KLF12: variants seen among roughly 807,000 people sequenced by gnomAD.
KLF12 encodes the protein KLF transcription factor 12.
In KLF12, 9 loss-of-function variants were observed where a neutral mutation model predicts 37.8. The observed-to-expected ratio is 0.24, with a 90% CI of 0.14 to 0.42. KLF12 has a LOEUF of 0.42. KLF12 is among the 10% of genes least tolerant of loss of function. KLF12 has a pLI of 1.00. For missense variants in KLF12, 411 were observed against 516.0 expected (o/e 0.80, Z 1.97); for synonymous variants, 208 against 202.1 (o/e 1.03, Z -0.25).
chr13:73,733,676 C>T (rs1296410535), intron 6 of KLF12, among the ~76,000 whole-genome samples: 1 of 151,940 alleles, frequency 6.6e-6, no homozygotes, highest in Non-Finnish European at 1.5e-5. Context: ...TTTTTTATAC[C>T]CAGAAATGGA....
At chr13:74,104,435 C>T (rs1316042290) in intron 1 of KLF12, among the ~76,000 whole-genome samples, 4 of 152,180 alleles carry the variant, frequency 2.6e-5, no homozygotes, top group African/African-American at 9.7e-5. Context: ...CTTCAAAACA[C>T]AGAGTTTCAG....
the KLF12 span, among the ~76,000 whole-genome samples, chr13:74,236,061 C>G: frequency 6.7e-6 from 1 of 149,198 alleles, no homozygotes; most frequent in African/African-American, 2.5e-5. Context: ...CGTCATCTAG[C>G]ATTAGGTATA....
chr13:74,191,650 C>A, the KLF12 span, among the ~76,000 whole-genome samples: 1 of 152,112 alleles, frequency 6.6e-6, no homozygotes, highest in Non-Finnish European at 1.5e-5. Context: ...CTGCACAGCT[C>A]TAGCATACAG....
At chr13:74,026,072 T>A (rs1187090979) in intron 1 of KLF12, among the ~76,000 whole-genome samples, 4 of 151,996 alleles carry the variant, frequency 2.6e-5, no homozygotes, top group African/African-American at 9.7e-5. Flanking sequence ...CAATGTGAAA[T>A]GTCAATTTCC....
intron 1 of KLF12, among the ~76,000 whole-genome samples, chr13:73,998,864 T>C (rs1347922262): frequency 6.6e-6 from 1 of 152,224 alleles, no homozygotes; most frequent in Non-Finnish European, 1.5e-5. Flanking sequence ...AAGTGCTACG[T>C]TTTCATAGCT....
Position 73,846,291 on chromosome 13 carries a change from G to A in KLF12, c.206C>T (p.Ser69Leu), listed in dbSNP as rs757646750. Residue 69 changes from serine (S) to leucine (L), a missense_variant, in exon 4 of 8, where the codon TCG becomes TTG. Physicochemically the swap from Ser to Leu is moderately radical, Grantham distance 145. This residue lies in a region of KLF12 where 351 missense variants were observed against 397.8 expected (regional missense o/e 0.88). Coordinates refer to ENST00000377669, the MANE Select transcript of KLF12 (RefSeq NM_007249.5). Reference sequence around the variant, plus strand: ...TGTTTGGAAGTGATCTACAGATAACGAGTCCTCCGGGGGCTCCCCTTTCAC... The same window carrying A: ...TGTTTGGAAGTGATCTACAGATAACAAGTCCTCCGGGGGCTCCCCTTTCAC... 4.3e-6 allele frequency: 7 copies of A among 1,613,932 alleles called. No individual in the cohort carries two copies. Among genetic ancestry groups the A allele is most frequent in the African/African-American group, 1.3e-5 (1 of 74,916 alleles).
At chr13:74,217,929 T>C in the KLF12 span, among the ~76,000 whole-genome samples, 2 of 152,188 alleles carry the variant, frequency 1.3e-5, no homozygotes. Context: ...AACTCTTCCA[T>C]ATATTCAATA....
intron 3 of KLF12, among the ~76,000 whole-genome samples, chr13:73,895,447 G>T (rs1887718013): frequency 6.6e-6 from 1 of 152,168 alleles, no homozygotes; most frequent in Non-Finnish European, 1.5e-5. Flanking sequence ...TACTTGGTTT[G>T]GGTGATGGAA....
the KLF12 span, among the ~76,000 whole-genome samples, chr13:74,178,643 C>A: frequency 2.6e-5 from 4 of 152,146 alleles, no homozygotes; most frequent in Non-Finnish European, 5.9e-5. Flanking sequence ...GAAAGAAAGA[C>A]AATCTCCCTA....
chr13:74,076,569 G>A (rs980803089), intron 1 of KLF12, among the ~76,000 whole-genome samples: 5 of 151,982 alleles, frequency 3.3e-5, no homozygotes, highest in African/African-American at 1.2e-4. Flanking sequence ...GAGAGGAGAA[G>A]CCCTCATGGC....
intron 1 of KLF12, among the ~76,000 whole-genome samples, chr13:74,119,409 C>A (rs1415121764): frequency 2.7e-5 from 4 of 150,738 alleles, no homozygotes; most frequent in African/African-American, 9.7e-5. Flanking sequence ...TCAACACAAG[C>A]AGACCCTGAG....
chr13:73,869,871 A>AG (rs1054493133), intron 3 of KLF12, among the ~76,000 whole-genome samples: 186 of 152,330 alleles, frequency 1.2e-3, no homozygotes, highest in African/African-American at 4.4e-3. Context: ...AGTACTGAAC[A>AG]GTTCTGTGGC....
chr13:73,985,887 T>C (rs1037696211), intron 2 of KLF12, among the ~76,000 whole-genome samples: 1 of 152,186 alleles, frequency 6.6e-6, no homozygotes, highest in African/African-American at 2.4e-5. Flanking sequence ...CTCACTACCC[T>C]GAAAGAGGCA....
the KLF12 span, among the ~76,000 whole-genome samples, chr13:74,235,676 T>C: frequency 6.6e-6 from 1 of 152,180 alleles, no homozygotes; most frequent in Non-Finnish European, 1.5e-5. Flanking sequence ...TATCAAAAGC[T>C]ATACTTTCAT....
chr13:74,112,606 C>T lies in KLF12; in HGVS notation c.-32+21133G>A, dbSNP rs144447783. On this transcript the variant is annotated intron_variant, in intron 1 of 7. Coordinates refer to ENST00000377669, the MANE Select transcript of KLF12 (RefSeq NM_007249.5). ...TTGATGTTACTATTGGGACTGGCTT[C>T]GGGGCAACACAAACCCTGACCTTCT... Among the ~76,000 whole-genome samples, 239 of 152,132 alleles carry T rather than the reference C, an allele frequency of 1.6e-3. 2 individuals are homozygous for T. Among genetic ancestry groups the T allele is most frequent in the African/African-American group, 4.0e-3 (164 of 41,488 alleles).
chr13:73,958,394 C>T (rs1270491049), intron 2 of KLF12, among the ~76,000 whole-genome samples: 1 of 152,012 alleles, frequency 6.6e-6, no homozygotes, highest in African/African-American at 2.4e-5. Context: ...AGGCACACAC[C>T]ACCATGCCTG....
chr13:74,134,706 G>A (rs1878472680), upstream of KLF12, among the ~76,000 whole-genome samples: 1 of 152,056 alleles, frequency 6.6e-6, no homozygotes, highest in South Asian at 2.1e-4. Context: ...GACCCCTGGA[G>A]AGCAACTCGC....
chr13:74,284,538 A>G, the KLF12 span, among the ~76,000 whole-genome samples: 1 of 152,198 alleles, frequency 6.6e-6, no homozygotes, highest in Non-Finnish European at 1.5e-5. Context: ...GTGCAGAACC[A>G]CATCTTTACC....
intron 2 of KLF12, among the ~76,000 whole-genome samples, chr13:73,950,001 C>T (rs916405799): frequency 6.6e-6 from 1 of 152,130 alleles, no homozygotes; most frequent in Non-Finnish European, 1.5e-5. Flanking sequence ...TATTTGTCTT[C>T]GGTTTCAAAA....
Sources: allele counts gnomAD v4.1 joint callset (sites outside exome capture counted in the v4.1 genomes callset), GRCh38; gene constraint gnomAD v4.1.1; regional missense constraint gnomAD v4.1.1; transcripts MANE v1.5; gene names NCBI Gene and HGNC (gene_info 2026-07-23, HGNC 2026-07-21).